The following SPAG16 variants were observed in gnomAD, a reference collection of about 807,000 sequenced individuals.
The protein encoded by SPAG16 is sperm associated antigen 16.
In SPAG16, 86 loss-of-function variants were observed where a neutral mutation model predicts 80.4. The ratio of observed to expected loss-of-function variants is 1.07; its 90% CI spans 0.90 to 1.28. The LOEUF (loss-of-function observed/expected upper bound fraction) is 1.28. Among genes scored for constraint, SPAG16 ranks in the 50% most tolerant of loss-of-function variants. The pLI is 0.00. For synonymous variants in SPAG16, 294 were observed against 265.9 expected (o/e 1.11, Z -1.03); for missense variants, 870 against 765.3 (o/e 1.14, Z -1.61).
chr2:213,834,305 C>T (rs146293494), intron 10 of SPAG16, among the ~76,000 whole-genome samples: 3 of 152,256 alleles, frequency 2.0e-5, no homozygotes, highest in African/African-American at 7.2e-5. Context: ...TTTAGCAAAG[C>T]TCTACATGAC....
At chr2:213,749,208 C>G (rs907002130) in intron 10 of SPAG16, among the ~76,000 whole-genome samples, 1 of 151,926 alleles carries the variant, frequency 6.6e-6, no homozygotes. Context: ...TTTATTTGCT[C>G]CCACTTATTT....
At chr2:214,136,826 G>A (rs763014117) in intron 14 of SPAG16, among the ~76,000 whole-genome samples, 2 of 152,136 alleles carry the variant, frequency 1.3e-5, no homozygotes, top group African/African-American at 2.4e-5. Context: ...TAATGTATCA[G>A]TACTAAAAAT....
chr2:213,722,667 C>A (rs1351183647), intron 10 of SPAG16, among the ~76,000 whole-genome samples: 1 of 152,100 alleles, frequency 6.6e-6, no homozygotes, highest in Non-Finnish European at 1.5e-5. Flanking sequence ...TTAGGACAAG[C>A]AATCCAGTGG....
intron 15 of SPAG16, among the ~76,000 whole-genome samples, chr2:214,177,661 G>A (rs1310762219): frequency 1.3e-5 from 2 of 150,386 alleles, no homozygotes; most frequent in Admixed American, 1.3e-4. Flanking sequence ...TCTTATGGAA[G>A]TTATATTTGC....
intron 15 of SPAG16, among the ~76,000 whole-genome samples, chr2:214,375,822 G>T (rs1186363477): frequency 1.3e-5 from 2 of 152,122 alleles, no homozygotes; most frequent in East Asian, 3.9e-4. Flanking sequence ...AATGAACTAA[G>T]CACAGTGGTT....
intron 10 of SPAG16, among the ~76,000 whole-genome samples, chr2:213,669,870 G>A (rs563421949): frequency 6.6e-6 from 1 of 152,092 alleles, no homozygotes; most frequent in Non-Finnish European, 1.5e-5. Flanking sequence ...CTTTGTGGTT[G>A]AAACTAGAGA....
chr2:213,779,112 C>T (rs1248249370), intron 10 of SPAG16, among the ~76,000 whole-genome samples: 1 of 152,184 alleles, frequency 6.6e-6, no homozygotes, highest in Non-Finnish European at 1.5e-5. Flanking sequence ...ACTTTTCACA[C>T]TTTAAAGAGA....
At chr2:214,071,918 T>G (rs1228456304) in intron 13 of SPAG16, among the ~76,000 whole-genome samples, 1 of 152,174 alleles carries the variant, frequency 6.6e-6, no homozygotes, top group African/African-American at 2.4e-5. Context: ...TATAACTAAT[T>G]TTAAACTCTC....
intron 10 of SPAG16, among the ~76,000 whole-genome samples, chr2:213,541,544 C>T (rs983528704): frequency 2.0e-5 from 3 of 152,140 alleles, no homozygotes; most frequent in Non-Finnish European, 4.4e-5. Context: ...AGCTCGAACC[C>T]AAGAGGTGGA....
chr2:214,256,743 C>T (rs1169461855), intron 15 of SPAG16, among the ~76,000 whole-genome samples: 2 of 151,880 alleles, frequency 1.3e-5, no homozygotes, highest in African/African-American at 4.8e-5. Context: ...TATGAGTCTA[C>T]TTTCTATTGC....
intron 10 of SPAG16, among the ~76,000 whole-genome samples, chr2:213,841,861 T>G (rs2074379647): frequency 6.6e-6 from 1 of 152,146 alleles, no homozygotes; most frequent in African/African-American, 2.4e-5. Flanking sequence ...TATAAGAATT[T>G]TTTTTTCTGA....
At chr2:213,635,901 G>T (rs2062343495) in intron 10 of SPAG16, among the ~76,000 whole-genome samples, 1 of 152,144 alleles carries the variant, frequency 6.6e-6, no homozygotes, top group African/African-American at 2.4e-5. Context: ...TCTGTGGGTT[G>T]TCTGCTGGCT....
chr2:213,672,860 T>G (rs1380450837), intron 10 of SPAG16, among the ~76,000 whole-genome samples: 1 of 117,816 alleles, frequency 8.5e-6, no homozygotes, highest in Non-Finnish European at 1.6e-5. Flanking sequence ...ATTTTGTTTG[T>G]TTTTTTTTTT....
intron 15 of SPAG16, among the ~76,000 whole-genome samples, chr2:214,280,409 A>T (rs559841627): frequency 6.6e-6 from 1 of 152,202 alleles, no homozygotes; most frequent in African/African-American, 2.4e-5. Flanking sequence ...ATATAGAATC[A>T]CTATAACAAC....
chr2:213,853,837 A>G (rs2105917168), intron 10 of SPAG16, among the ~76,000 whole-genome samples: 1 of 152,302 alleles, frequency 6.6e-6, no homozygotes, highest in East Asian at 1.9e-4. Context: ...ATCTTTGAGG[A>G]TGATAGTCAT....
At chr2:214,132,593 G>T (rs2054833442) in intron 14 of SPAG16, among the ~76,000 whole-genome samples, 1 of 152,164 alleles carries the variant, frequency 6.6e-6, no homozygotes, top group Admixed American at 6.5e-5. Flanking sequence ...AAGAAGTTGT[G>T]TTGGAGCCAA....
intron 15 of SPAG16, among the ~76,000 whole-genome samples, chr2:214,397,174 T>TC: frequency 6.7e-6 from 1 of 149,884 alleles, no homozygotes; most frequent in East Asian, 1.9e-4. Context: ...TTTTTTTTTT[T>TC]GAGATGGAGT....
chr2:213,615,679 T>C (rs1236055389), intron 10 of SPAG16, among the ~76,000 whole-genome samples: 1 of 152,228 alleles, frequency 6.6e-6, no homozygotes, highest in Non-Finnish European at 1.5e-5. Flanking sequence ...TAAATTAACC[T>C]GATAACTTTA....
intron 9 of SPAG16, among the ~76,000 whole-genome samples, chr2:213,404,233 A>G (rs2068486221): frequency 1.3e-5 from 2 of 152,236 alleles, no homozygotes; most frequent in Admixed American, 6.5e-5. Flanking sequence ...GAACCAAACA[A>G]GAGCCCGCAT....
Sources: allele counts gnomAD v4.1 joint callset (sites outside exome capture counted in the v4.1 genomes callset), GRCh38; gene constraint gnomAD v4.1.1; transcripts MANE v1.5; gene names NCBI Gene and HGNC (gene_info 2026-07-23, HGNC 2026-07-21).